DIAPH3: variants seen among roughly 807,000 people sequenced by gnomAD.
The protein encoded by DIAPH3 is diaphanous related formin 3.
A neutral mutation model predicts 144.3 loss-of-function variants in DIAPH3; 117 were observed. The observed-to-expected ratio is 0.81, with a 90% CI of 0.70 to 0.95. DIAPH3 has a LOEUF of 0.95. DIAPH3 is among the 40% of genes least tolerant of loss of function. The probability of loss-of-function intolerance (pLI) is 0.00; values close to 1 mark genes in which losing one functional copy is unlikely to be tolerated. For synonymous variants in DIAPH3, 519 were observed against 488.9 expected, an observed-to-expected ratio of 1.06 and a Z score of -0.81; for missense variants, 1,421 against 1,412.7, an observed-to-expected ratio of 1.01 and a Z score of -0.09.
At chr13:59,755,452 G>T (rs1383985829) in intron 27 of DIAPH3, among the ~76,000 whole-genome samples, 1 of 152,080 alleles carries the variant, frequency 6.6e-6, no homozygotes, top group Admixed American at 6.5e-5. Flanking sequence ...GACCTTGATA[G>T]ATTAGAGAAA....
At chr13:59,923,807 T>A (rs915438064) in intron 18 of DIAPH3, among the ~76,000 whole-genome samples, 4 of 152,094 alleles carry the variant, frequency 2.6e-5, no homozygotes, top group Admixed American at 6.6e-5. Flanking sequence ...GCCTGCATTG[T>A]AGAAAAGAGA....
intron 9 of DIAPH3, among the ~76,000 whole-genome samples, chr13:59,994,907 CA>C (rs1006713223): frequency 6.6e-6 from 1 of 151,714 alleles, no homozygotes; most frequent in African/African-American, 2.4e-5. Context: ...TTTTATGCAA[CA>C]GGGGCACAAT....
intron 5 of DIAPH3, among the ~76,000 whole-genome samples, chr13:60,036,103 C>T (rs74670466): frequency 0.014 from 2,135 of 152,296 alleles, 65 homozygotes; most frequent in East Asian, 0.1. Flanking sequence ...TGAAGGGAAA[C>T]CTCCTTAGAT....
chr13:59,944,945 C>T lies in DIAPH3; in HGVS notation c.2075-20075G>A, dbSNP rs552763313. On this transcript the variant is annotated intron_variant, in intron 17 of 27. Coordinates refer to ENST00000400324, the MANE Select transcript of DIAPH3 (RefSeq NM_001042517.2). ...CTTGTAACACCACCACTCCCTCTTG[C>T]GGGCCAGCAACACCATCATCAACAT... is the stretch of plus-strand genomic sequence containing the variant. Among the ~76,000 whole-genome samples the T allele has an allele frequency of 3.3e-5, 5 of 152,194 alleles. No homozygotes were observed. In the East Asian group the frequency reaches 7.7e-4, roughly 24 times the overall value.
chr13:60,060,638 T>G (rs149218330), intron 4 of DIAPH3, among the ~76,000 whole-genome samples: 1 of 152,236 alleles, frequency 6.6e-6, no homozygotes, highest in Non-Finnish European at 1.5e-5. Context: ...TGTAACTAAC[T>G]GGATAGATTG....
chr13:59,902,827 T>C (rs1279201132), intron 20 of DIAPH3, among the ~76,000 whole-genome samples: 1 of 152,186 alleles, frequency 6.6e-6, no homozygotes, highest in Non-Finnish European at 1.5e-5. Context: ...TGAATGCTTA[T>C]CTTAAAAGAT....
intron 27 of DIAPH3, among the ~76,000 whole-genome samples, chr13:59,696,816 A>T (rs919032499): frequency 1.1e-4 from 17 of 152,252 alleles, no homozygotes; most frequent in African/African-American, 3.9e-4. Flanking sequence ...AATAAACCAA[A>T]AACATCTTCT....
chr13:59,875,372 C>T (rs760065237), intron 21 of DIAPH3, among the ~76,000 whole-genome samples: 7 of 152,052 alleles, frequency 4.6e-5, no homozygotes, highest in Non-Finnish European at 8.8e-5. Context: ...AAGGTACTTA[C>T]ACCATTTTAA....
At chr13:59,850,870 TG>T (rs2042926386) in intron 22 of DIAPH3, among the ~76,000 whole-genome samples, 2 of 147,442 alleles carry the variant, frequency 1.4e-5, no homozygotes. Context: ...GAGCTGAAAT[TG>T]GGGCAATAAT....
chr13:60,092,630 G>T (rs9563785), intron 4 of DIAPH3, among the ~76,000 whole-genome samples: 2 of 151,808 alleles, frequency 1.3e-5, no homozygotes, highest in African/African-American at 4.8e-5. Flanking sequence ...CAGCCTGGGC[G>T]ACAGAGTGAG....
intron 17 of DIAPH3, among the ~76,000 whole-genome samples, chr13:59,944,886 A>G (rs2048727387): frequency 6.6e-6 from 1 of 152,032 alleles, no homozygotes; most frequent in South Asian, 2.1e-4. Context: ...CTTAGTAATC[A>G]ATCTTTCCAG....
intron 7 of DIAPH3, chr13:60,013,025 C>G: frequency 1.0e-5 from 10 of 985,346 alleles, no homozygotes; most frequent in Non-Finnish European, 1.2e-5. Context: ...ACTGTTGACT[C>G]TGTGTGAGAA....
At chr13:59,720,107 T>C (rs2035262991) in intron 27 of DIAPH3, among the ~76,000 whole-genome samples, 1 of 152,180 alleles carries the variant, frequency 6.6e-6, no homozygotes, top group South Asian at 2.1e-4. Context: ...ATAGCCTATA[T>C]ACACCTAGGC....
intron 4 of DIAPH3, among the ~76,000 whole-genome samples, chr13:60,081,260 T>C (rs375072848): frequency 2.0e-5 from 3 of 152,166 alleles, no homozygotes; most frequent in African/African-American, 7.2e-5. Context: ...TAACACTGCA[T>C]AAGCATAGCA....
At position 60,131,307 on chromosome 13, in the gene DIAPH3, A is replaced by G. The variant is rs527843174; in HGVS notation, c.213+1650T>C. ...CAAAATTAGCTAGGTGAGGTGGTGC[A>G]TGCCTGTAATCCCCGCTACTCAGGA... On this transcript the variant is annotated intron_variant, in intron 2 of 27. Transcript: ENST00000400324. Among the ~76,000 whole-genome samples, 558 of 151,616 alleles carry G rather than the reference A, an allele frequency of 3.7e-3. 3 individuals carry two copies. Among genetic ancestry groups the G allele is most frequent in the Non-Finnish European group, 5.2e-3 (351 of 67,898 alleles).
chr13:59,871,865 T>C (rs768882101), intron 21 of DIAPH3, among the ~76,000 whole-genome samples: 8 of 152,356 alleles, frequency 5.3e-5, no homozygotes, highest in Non-Finnish European at 8.8e-5. Context: ...GGTTATCACA[T>C]TTGTAGGCTT....
chr13:59,780,034 C>T (rs1210188335), intron 25 of DIAPH3, among the ~76,000 whole-genome samples: 6 of 151,970 alleles, frequency 3.9e-5, no homozygotes, highest in African/African-American at 1.2e-4. Context: ...CAGGATGTTA[C>T]TAGGCACTAA....
At chr13:60,098,146 T>C (rs1465473010) in intron 3 of DIAPH3, among the ~76,000 whole-genome samples, 1 of 152,168 alleles carries the variant, frequency 6.6e-6, no homozygotes, top group Non-Finnish European at 1.5e-5. Flanking sequence ...AATTATCATG[T>C]TGTATCTCCA....
At position 59,665,900 on chromosome 13, in the gene DIAPH3, T is replaced by G. The variant is rs995004960; in HGVS notation, c.*684A>C. 6.6e-6 allele frequency: 1 copy of G among 152,388 alleles called. No homozygotes were observed. Among genetic ancestry groups the G allele is most frequent in the African/African-American group, 2.4e-5 (1 of 41,476 alleles). 9.4% of individuals were successfully genotyped at this position (152,388 alleles called of 1,614,324 possible). A position where few individuals can be genotyped will look rare whatever the true frequency, so the allele number is the denominator to read the frequency against. On this transcript the variant is annotated 3_prime_UTR_variant, in exon 28 of 28. Coordinates refer to ENST00000400324, the MANE Select transcript of DIAPH3 (RefSeq NM_001042517.2). The stretch of plus-strand genomic sequence containing the variant: ...CACTGCAATTCTGTTTACATCCACG[T>G]TACACAAAAGCACATGCATTTGGCA...
Sources: allele counts gnomAD v4.1 joint callset (sites outside exome capture counted in the v4.1 genomes callset), GRCh38; gene constraint gnomAD v4.1.1; transcripts MANE v1.5; gene names NCBI Gene and HGNC (gene_info 2026-07-23, HGNC 2026-07-21).